CDKAL1: variants seen among roughly 807,000 people sequenced by gnomAD.
The protein encoded by CDKAL1 is CDKAL1 threonylcarbamoyladenosine tRNA methylthiotransferase.
CDKAL1 carries 32 observed loss-of-function variants against 68.2 expected under a neutral mutation model. The ratio of observed to expected loss-of-function variants is 0.47; its 90% CI spans 0.35 to 0.63. The LOEUF (loss-of-function observed/expected upper bound fraction) is 0.63. CDKAL1 is among the 30% of genes least tolerant of loss of function. The pLI, the probability that CDKAL1 is intolerant of heterozygous loss-of-function variation, is 0.00. For missense variants in CDKAL1, 606 were observed against 696.7 expected (o/e 0.87, Z 1.47); for synonymous variants, 234 against 244.3 (o/e 0.96, Z 0.39).
chr6:20,901,900 C>T (rs1762002142), intron 9 of CDKAL1, among the ~76,000 whole-genome samples: 1 of 151,834 alleles, frequency 6.6e-6, no homozygotes, highest in African/African-American at 2.4e-5. Flanking sequence ...CCTCAGCCTC[C>T]TAAGTAGCTG....
chr6:20,541,576 T>C (rs1207457019), intron 2 of CDKAL1, among the ~76,000 whole-genome samples: 1 of 152,192 alleles, frequency 6.6e-6, no homozygotes, highest in African/African-American at 2.4e-5. Flanking sequence ...GAACTGGTCA[T>C]TGTGGCCAGG....
chr6:21,177,699 A>G lies in CDKAL1; in HGVS notation c.1300-20322A>G, dbSNP rs192647198. Among the ~76,000 whole-genome samples, 11 of 150,082 alleles carry G rather than the reference A, an allele frequency of 7.3e-5. No individual in the cohort carries two copies. In the East Asian group the frequency reaches 2.1e-3, roughly 29 times the overall value. ...TTTTTCAGTAGCAAAGAGATATATT[A>G]TCTCCAAAATGGCTAATGGATCTAT... On this transcript the variant is annotated intron_variant, in intron 13 of 15. Coordinates refer to ENST00000274695, the MANE Select transcript of CDKAL1 (RefSeq NM_017774.3).
chr6:21,074,237 C>A (rs1771945792), intron 12 of CDKAL1, among the ~76,000 whole-genome samples: 1 of 152,174 alleles, frequency 6.6e-6, no homozygotes, highest in Non-Finnish European at 1.5e-5. Flanking sequence ...TCCTGATGGT[C>A]TTTGGTGTTT....
intron 4 of CDKAL1, among the ~76,000 whole-genome samples, chr6:20,580,125 A>G (rs888387332): frequency 6.6e-6 from 1 of 152,184 alleles, no homozygotes; most frequent in Non-Finnish European, 1.5e-5. Flanking sequence ...GAATTAGGCA[A>G]TGGCAATTGG....
chr6:20,901,975 C>T (rs1762007232), intron 9 of CDKAL1, among the ~76,000 whole-genome samples: 1 of 151,960 alleles, frequency 6.6e-6, no homozygotes. Context: ...GGGGTTTCGC[C>T]ATGTTGGCCA....
chr6:21,188,250 A>G (rs1202110217), intron 13 of CDKAL1, among the ~76,000 whole-genome samples: 1 of 152,222 alleles, frequency 6.6e-6, no homozygotes, highest in Non-Finnish European at 1.5e-5. Context: ...CTTCTCATTT[A>G]TGGCAACATA....
At chr6:20,800,858 C>T (rs1249926369) in intron 8 of CDKAL1, among the ~76,000 whole-genome samples, 3 of 152,190 alleles carry the variant, frequency 2.0e-5, no homozygotes, top group African/African-American at 7.2e-5. Flanking sequence ...AAGAGATCCT[C>T]CTGCCTTGGC....
chr6:21,222,700 G>A (rs1314135015), intron 15 of CDKAL1, among the ~76,000 whole-genome samples: 2 of 152,072 alleles, frequency 1.3e-5, no homozygotes, highest in African/African-American at 2.4e-5. Flanking sequence ...GAAGCCCAGG[G>A]ACAGGGTTGT....
chr6:20,824,417 C>T (rs1399341003), intron 8 of CDKAL1, among the ~76,000 whole-genome samples: 1 of 152,126 alleles, frequency 6.6e-6, no homozygotes, highest in Non-Finnish European at 1.5e-5. Flanking sequence ...TAGGTGTCTG[C>T]AAGAACTAGA....
chr6:21,221,160 C>CT (rs1216964897), intron 15 of CDKAL1, among the ~76,000 whole-genome samples: 1 of 152,032 alleles, frequency 6.6e-6, no homozygotes, highest in African/African-American at 2.4e-5. Flanking sequence ...GAGCGAGACT[C>CT]TATCTCAAAA....
intron 6 of CDKAL1, among the ~76,000 whole-genome samples, chr6:20,754,724 T>C (rs1184430954): frequency 6.6e-6 from 1 of 152,198 alleles, no homozygotes. Context: ...TTTATAAAAG[T>C]TTTCTCTCAT....
At chr6:20,762,072 C>A (rs1417750625) in intron 7 of CDKAL1, among the ~76,000 whole-genome samples, 1 of 152,076 alleles carries the variant, frequency 6.6e-6, no homozygotes, top group Non-Finnish European at 1.5e-5. Flanking sequence ...GAATCTAAAA[C>A]TACTCTAAAA....
chr6:20,866,270 A>G (rs1759903013), intron 9 of CDKAL1, among the ~76,000 whole-genome samples: 1 of 152,204 alleles, frequency 6.6e-6, no homozygotes, highest in Non-Finnish European at 1.5e-5. Context: ...GTACAACAGG[A>G]CTGAATAAAT....
chr6:20,943,701 TGTACAATA>T (rs994513656), intron 9 of CDKAL1, among the ~76,000 whole-genome samples: 3 of 152,132 alleles, frequency 2.0e-5, no homozygotes, highest in African/African-American at 7.2e-5. Flanking sequence ...ATAGACCACA[TGTACAATA>T]GCTGGTTTTA....
At chr6:20,837,598 A>G (rs1406169836) in intron 8 of CDKAL1, among the ~76,000 whole-genome samples, 1 of 152,144 alleles carries the variant, frequency 6.6e-6, no homozygotes, top group Non-Finnish European at 1.5e-5. Flanking sequence ...AGTCTTTGCT[A>G]GAGACCACTT....
intron 5 of CDKAL1, among the ~76,000 whole-genome samples, chr6:20,675,185 G>T (rs1770032405): frequency 6.6e-6 from 1 of 151,476 alleles, no homozygotes; most frequent in African/African-American, 2.4e-5. Context: ...TTCTACTTTG[G>T]GCATCAGTGT....
intron 9 of CDKAL1, among the ~76,000 whole-genome samples, chr6:20,929,650 T>C (rs1034302924): frequency 6.6e-6 from 1 of 152,122 alleles, no homozygotes; most frequent in Non-Finnish European, 1.5e-5. Flanking sequence ...AATGGGCGGG[T>C]GTATTATTAT....
At chr6:21,217,778 G>A (rs1233954685) in intron 15 of CDKAL1, among the ~76,000 whole-genome samples, 3 of 152,134 alleles carry the variant, frequency 2.0e-5, no homozygotes, top group Admixed American at 6.5e-5. Context: ...GATTACAGGC[G>A]TGAGCCACCA....
Position 21,201,166 on chromosome 6 carries a change from T to C in CDKAL1, c.1440T>C (p.Tyr480=). The stretch of plus-strand genomic sequence containing the variant: ...GGAAGATGGTTGAAGTGGACATCTA[T>C]GAATCAGGCAAACATTTTATGAAAG... The part of the protein sequence containing the change: ...FMGKMVEVDI[Y]ESGKHFMKGQ... Residue 480 remains tyrosine (Y), a synonymous_variant, in exon 15 of 16, where the codon TAT becomes TAC. Coordinates refer to ENST00000274695, the MANE Select transcript of CDKAL1 (RefSeq NM_017774.3). 6.2e-7 allele frequency: 1 copy of C among 1,614,010 alleles called. No homozygotes were observed. The highest frequency in any genetic ancestry group is 8.5e-7 in the Non-Finnish European group (1 of 1,179,872).
Sources: allele counts gnomAD v4.1 joint callset (sites outside exome capture counted in the v4.1 genomes callset), GRCh38; gene constraint gnomAD v4.1.1; transcripts MANE v1.5; gene names NCBI Gene and HGNC (gene_info 2026-07-23, HGNC 2026-07-21).